SEMA4F: variants seen among roughly 807,000 people sequenced by gnomAD.
SEMA4F encodes semaphorin-4F.
In SEMA4F, 51 loss-of-function variants were observed where a neutral mutation model predicts 78.4. The ratio of observed to expected loss-of-function variants is 0.65; its 90% CI spans 0.52 to 0.82. The LOEUF is 0.82. SEMA4F is among the 40% of genes least tolerant of loss of function. The pLI is 0.00. For missense variants in SEMA4F, 938 were observed against 1,014.4 expected (o/e 0.92, Z 1.02); for synonymous variants, 418 against 408.7 (o/e 1.02, Z -0.27).
the SEMA4F span, among the ~76,000 whole-genome samples, chr2:74,696,445 A>G: frequency 0.036 from 5,477 of 152,050 alleles, 286 homozygotes; most frequent in African/African-American, 0.11. Flanking sequence ...TGATCCACCC[A>G]CCTCGGCCTC....
the SEMA4F span, among the ~76,000 whole-genome samples, chr2:74,689,579 T>G: frequency 6.6e-6 from 1 of 152,202 alleles, no homozygotes. Context: ...ATAATAATTA[T>G]AAGCCTAAAA....
intron 12 of SEMA4F, among the ~76,000 whole-genome samples, chr2:74,677,242 A>G: frequency 6.6e-6 from 1 of 152,160 alleles, no homozygotes; most frequent in Admixed American, 6.5e-5. Flanking sequence ...AAGTTCAATC[A>G]TATCCAAAAG....
rs367935567 is a variant in SEMA4F, at chr2:74,673,790, G to C, written c.784G>C (p.Glu262Gln). The C allele has an allele frequency of 6.2e-7, 1 of 1,614,060 alleles. No homozygotes were observed. The highest frequency in any genetic ancestry group is 1.3e-5 in the African/African-American group (1 of 74,930). ...GACTTCCCGAGCATTTGACTCATAC[G>C]AGCGCATTAAAGTCCCACGGGTGGC... ...TETSRAFDSYERIKVPRVARV... is the reference protein window; with the variant it reads ...TETSRAFDSYQRIKVPRVARV... The change falls in exon 7 of 14, where the codon GAG becomes CAG. Residue 262 changes from glutamate to glutamine, a missense_variant. Coordinates refer to ENST00000357877, the MANE Select transcript of SEMA4F (RefSeq NM_004263.5).
the SEMA4F span, among the ~76,000 whole-genome samples, chr2:74,691,010 C>T: frequency 1.3e-5 from 2 of 152,114 alleles, no homozygotes; most frequent in East Asian, 1.9e-4. Flanking sequence ...ATTAGATTTT[C>T]GTGGTCATCC....
In SEMA4F at chr2:74,674,890, A is replaced by AG; in HGVS notation, c.1009dup (p.Ala337GlyfsTer28). 1 of 1,613,668 alleles carries AG rather than the reference A, an allele frequency of 6.2e-7. No homozygotes were observed. The highest frequency in any genetic ancestry group is 2.2e-5 in the East Asian group (1 of 44,850). On this transcript the variant is annotated frameshift_variant, in exon 9 of 14. Transcript: ENST00000357877. LOFTEE classifies it high-confidence loss of function. Reference sequence around the variant, plus strand: ...CAGCTCCAACCTGTGAATTCCAGGGAGGGGGCTACTATCTCTGCTGTCTGT... The same window carrying AG: ...CAGCTCCAACCTGTGAATTCCAGGGAGGGGGGCTACTATCTCTGCTGTCTGT...
Position 74,654,335 on chromosome 2 carries a change from G to GGCCGTAGCTTGC in SEMA4F, c.-37_-26dup. 6.9e-7 allele frequency: 1 copy of GGCCGTAGCTTGC among 1,440,736 alleles called. No homozygotes were observed. The highest frequency in any genetic ancestry group is 9.1e-7 in the Non-Finnish European group (1 of 1,104,576). The allele number at this position is 1,440,736 out of a possible 1,614,324, so 89.2% of individuals were successfully genotyped here. A position where few individuals can be genotyped will look rare whatever the true frequency, so the allele number is the denominator to read the frequency against. ...CAGTAGCCCCGGGGCCCTGAGCAGA[G>GGCCGTAGCTTGC]GCCGTAGCTTGCGCCGCACCCGCGG... On this transcript the variant is annotated 5_prime_UTR_variant, in exon 1 of 14. Transcript: ENST00000357877.
intron 12 of SEMA4F, among the ~76,000 whole-genome samples, chr2:74,677,803 G>A (rs1210621503): frequency 6.6e-6 from 1 of 152,172 alleles, no homozygotes; most frequent in African/African-American, 2.4e-5. Flanking sequence ...AAAAGTACTT[G>A]TCTTTTGGAA....
chr2:74,675,671 A>C lies in SEMA4F; in HGVS notation c.1482+37A>C, dbSNP rs373956650. On this transcript the variant is annotated intron_variant, in intron 11 of 13. Coordinates refer to ENST00000357877, the MANE Select transcript of SEMA4F (RefSeq NM_004263.5). ...ATTTTGGAGAGTCTATTGGGGAGACATCTGAGTCCAGAGCCAGTTTGTGAC... is the reference window on the plus strand; with the variant it reads ...ATTTTGGAGAGTCTATTGGGGAGACCTCTGAGTCCAGAGCCAGTTTGTGAC... 9 of 1,612,864 alleles carry C rather than the reference A, an allele frequency of 5.6e-6. No homozygotes were observed. The South Asian group carries it at 7.7e-5, about 14-fold the overall frequency.
the SEMA4F span, among the ~76,000 whole-genome samples, chr2:74,705,342 A>G: frequency 6.6e-6 from 1 of 152,260 alleles, no homozygotes; most frequent in Non-Finnish European, 1.5e-5. Context: ...CAAGCTTGTC[A>G]TCACAGTAAT....
the SEMA4F span, among the ~76,000 whole-genome samples, chr2:74,700,186 G>A: frequency 5.9e-5 from 9 of 152,192 alleles, no homozygotes; most frequent in African/African-American, 1.7e-4. Flanking sequence ...TCACAGAGGG[G>A]GAGGAAAGGC....
chr2:74,666,470 G>C (rs1012357826), intron 5 of SEMA4F, among the ~76,000 whole-genome samples: 2 of 151,524 alleles, frequency 1.3e-5, no homozygotes, highest in African/African-American at 4.9e-5. Flanking sequence ...TGATGGAGGC[G>C]ATCAGAACTC....
Position 74,675,149 on chromosome 2 carries a change from G to C in SEMA4F, c.1150-13G>C. On this transcript the variant is annotated splice_polypyrimidine_tract_variant and intron_variant, in intron 9 of 13. Transcript: ENST00000357877. ...CCTGGGAAACTTTGTCACCAGCCCTGTATTTCCTCTAGTGCATCACCAACA... is the reference window on the plus strand; with the variant it reads ...CCTGGGAAACTTTGTCACCAGCCCTCTATTTCCTCTAGTGCATCACCAACA... The C allele has an allele frequency of 6.2e-7, 1 of 1,614,032 alleles. No individual in the cohort carries two copies.
chr2:74,695,919 A>T, the SEMA4F span, among the ~76,000 whole-genome samples: 2 of 152,096 alleles, frequency 1.3e-5, no homozygotes, highest in South Asian at 2.1e-4. Flanking sequence ...AAAATACCTT[A>T]TTTATAGAAG....
At chr2:74,702,227 T>C in the SEMA4F span, among the ~76,000 whole-genome samples, 1 of 152,134 alleles carries the variant, frequency 6.6e-6, no homozygotes, top group Admixed American at 6.5e-5. Flanking sequence ...CTTCAGACTA[T>C]TGACAACTGT....
intron 5 of SEMA4F, among the ~76,000 whole-genome samples, chr2:74,672,448 A>G (rs1478648491): frequency 6.6e-6 from 1 of 152,202 alleles, no homozygotes; most frequent in Non-Finnish European, 1.5e-5. Flanking sequence ...TCTTGGGGCC[A>G]GGGATTTACT....
chr2:74,677,052 C>T (rs1463785591), intron 12 of SEMA4F, among the ~76,000 whole-genome samples: 1 of 152,078 alleles, frequency 6.6e-6, no homozygotes, highest in African/African-American at 2.4e-5. Flanking sequence ...CAGGTGCCCG[C>T]CACCATGCCC....
chr2:74,656,535 G>A lies in SEMA4F; in HGVS notation c.147G>A (p.Glu49=). The A allele has an allele frequency of 6.2e-7, 1 of 1,613,318 alleles. No homozygotes were observed. Among genetic ancestry groups the A allele is most frequent in the Non-Finnish European group, 8.5e-7 (1 of 1,179,390 alleles). ...ATCACTCTCCTCTCTTCCTGCCAGA[G>A]GCTGACTCCTGTCTCACCCGGTTCG... is the stretch of plus-strand genomic sequence containing the variant. ...SVPRTSLPIS[E]ADSCLTRFAV... is the part of the protein sequence containing the mutation. The change falls in exon 2 of 14, where the codon GAG becomes GAA. Residue 49 remains glutamate, a splice_region_variant and synonymous_variant. Transcript: ENST00000357877.
intron 5 of SEMA4F, among the ~76,000 whole-genome samples, chr2:74,665,625 A>G (rs1277989509): frequency 6.6e-6 from 1 of 152,240 alleles, no homozygotes; most frequent in Non-Finnish European, 1.5e-5. Context: ...TATTGACTAA[A>G]TACAATATTT....
At chr2:74,670,493 C>A (rs1684929796) in intron 5 of SEMA4F, among the ~76,000 whole-genome samples, 2 of 152,210 alleles carry the variant, frequency 1.3e-5, no homozygotes, top group Admixed American at 1.3e-4. Context: ...TTGCTGACTC[C>A]CACATTGGTC....
Sources: allele counts gnomAD v4.1 joint callset (sites outside exome capture counted in the v4.1 genomes callset), GRCh38; gene constraint gnomAD v4.1.1; transcripts MANE v1.5; gene names NCBI Gene and HGNC (gene_info 2026-07-23, HGNC 2026-07-21).